PPP1R9A: variants seen among roughly 807,000 people sequenced by gnomAD.
PPP1R9A encodes protein phosphatase 1 regulatory subunit 9A, also known as neurabin-1.
In PPP1R9A, 59 loss-of-function variants were observed where a neutral mutation model predicts 141.9. The ratio of observed to expected loss-of-function variants is 0.42; its 90% CI spans 0.34 to 0.52. The LOEUF is 0.52. Ranked by LOEUF, PPP1R9A falls within the 20% of genes least tolerant of loss-of-function variation. PPP1R9A has a pLI of 0.10. For missense variants in PPP1R9A, 1,444 were observed against 1,611.9 expected (o/e 0.90, Z 1.78); for synonymous variants, 500 against 569.7 (o/e 0.88, Z 1.74).
chr7:95,210,055 G>A (rs116952823), intron 7 of PPP1R9A, among the ~76,000 whole-genome samples: 148 of 152,236 alleles, frequency 9.7e-4, no homozygotes, highest in East Asian at 7.2e-3. Flanking sequence ...TCTGTCGACC[G>A]TTTAGTTCAG....
At chr7:95,002,152 C>T (rs1464007171) in intron 2 of PPP1R9A, among the ~76,000 whole-genome samples, 1 of 152,054 alleles carries the variant, frequency 6.6e-6, no homozygotes, top group Non-Finnish European at 1.5e-5. Flanking sequence ...AACTTACTAA[C>T]CCCCAGTGAT....
intron 2 of PPP1R9A, among the ~76,000 whole-genome samples, chr7:95,101,311 C>A (rs572200069): frequency 1.0e-3 from 154 of 152,196 alleles, no homozygotes; most frequent in Middle Eastern, 3.4e-3. Flanking sequence ...AGATGGTAGC[C>A]TGGTTAACAT....
At position 94,935,839 on chromosome 7, in the gene PPP1R9A, C is replaced by T. The variant is rs1357692775; in HGVS notation, c.1395+24331C>T. On this transcript the variant is annotated intron_variant, in intron 2 of 19. Coordinates refer to ENST00000433360, the MANE Select transcript of PPP1R9A (RefSeq NM_001166160.2). ...CATTTTTGCCATTTCATTCTGGAAA[C>T]CAGAGATTGCGGATTTTAAATTTTC... 2.0e-5 allele frequency among the ~76,000 whole-genome samples: 3 copies of T among 152,222 alleles called. No homozygotes were observed. The East Asian group carries it at 5.8e-4, about 29-fold the overall frequency.
chr7:95,274,146 A>T lies in PPP1R9A; in HGVS notation c.3274A>T (p.Ser1092Cys), dbSNP rs1004671391. Residue 1092 changes from serine (S) to cysteine (C), a missense_variant, in exon 16 of 20, where the codon AGT (serine) becomes TGT (cysteine). Coordinates refer to ENST00000433360, the MANE Select transcript of PPP1R9A (RefSeq NM_001166160.2). ...KKWKEKEKEASRFSAGSRIFR... is the reference protein window; with the variant it reads ...KKWKEKEKEACRFSAGSRIFR... Reference sequence around the variant, plus strand: ...GTGGAAAGAAAAAGAAAAAGAAGCCAGTAGGTTTTCTGCAGGTAGCAGGTA... The same window carrying T: ...GTGGAAAGAAAAAGAAAAAGAAGCCTGTAGGTTTTCTGCAGGTAGCAGGTA... 3 of 1,579,566 alleles carry T rather than the reference A, an allele frequency of 1.9e-6. No individual in the cohort carries two copies. The highest frequency in any genetic ancestry group is 2.7e-5 in the African/African-American group (2 of 74,642).
At chr7:95,073,624 G>GTTTTTTTT (rs36077129) in intron 2 of PPP1R9A, among the ~76,000 whole-genome samples, 5 of 105,552 alleles carry the variant, frequency 4.7e-5, no homozygotes, top group Non-Finnish European at 9.5e-5. Flanking sequence ...AAAGAAATAA[G>GTTTTTTTT]TTTTTTTTTT....
chr7:95,281,457 C>T lies in PPP1R9A; in HGVS notation c.3297-2561C>T, dbSNP rs150132979. ...GCCCAGCTTCTGTGATCTCCTTCAC[C>T]GCACATGTAAGAACCACATGGCCTC... On this transcript the variant is annotated intron_variant, in intron 16 of 19. Transcript: ENST00000433360. 4.0e-3 allele frequency among the ~76,000 whole-genome samples: 602 copies of T among 152,234 alleles called. 4 individuals are homozygous for T. Among genetic ancestry groups the T allele is most frequent in the South Asian group, 0.034 (164 of 4,814 alleles).
At chr7:95,104,453 T>A (rs530905849) in intron 2 of PPP1R9A, among the ~76,000 whole-genome samples, 1 of 152,336 alleles carries the variant, frequency 6.6e-6, no homozygotes, top group East Asian at 1.9e-4. Context: ...TGTTTTTACA[T>A]GAGCAGAATT....
chr7:95,269,326 T>G lies in PPP1R9A; in HGVS notation c.2943T>G (p.Asn981Lys), dbSNP rs1237393313. The G allele has an allele frequency of 1.3e-6, 2 of 1,598,596 alleles. No individual in the cohort carries two copies. The highest frequency in any genetic ancestry group is 8.5e-7 in the Non-Finnish European group (1 of 1,179,484). ...GVPPLTPVDS[N>K]VPFSSDHIAE... ...CACCCCTCACCCCGGTGGATAGCAA[T>G]GTGCCCTTCTCGTCTGACCACATAG... Residue 981 changes from asparagine (N) to lysine (K), a missense_variant, in exon 14 of 20, where the codon AAT (asparagine) becomes AAG (lysine). Physicochemically the swap from Asn to Lys is moderately conservative, Grantham distance 94 (BLOSUM62 0). This residue lies in a region of PPP1R9A where 459 missense variants were observed against 513.8 expected (regional missense o/e 0.89). Coordinates refer to ENST00000433360, the MANE Select transcript of PPP1R9A (RefSeq NM_001166160.2).
At chr7:95,019,169 C>T (rs541598006) in intron 2 of PPP1R9A, among the ~76,000 whole-genome samples, 212 of 152,268 alleles carry the variant, frequency 1.4e-3, no homozygotes, top group Non-Finnish European at 2.5e-3. Context: ...CCAAGGCAGG[C>T]AGATCACTTG....
chr7:95,058,483 G>A (rs866261563), intron 2 of PPP1R9A, among the ~76,000 whole-genome samples: 1 of 152,118 alleles, frequency 6.6e-6, no homozygotes. Flanking sequence ...AGAGGGCTGT[G>A]GAATCCTCAG....
At chr7:95,245,235 T>C (rs1797961650) in intron 8 of PPP1R9A, among the ~76,000 whole-genome samples, 1 of 152,216 alleles carries the variant, frequency 6.6e-6, no homozygotes, top group Non-Finnish European at 1.5e-5. Flanking sequence ...TATTAGTTTA[T>C]ACTGGTGGGG....
chr7:95,062,790 T>TA (rs915356096), intron 2 of PPP1R9A, among the ~76,000 whole-genome samples: 57 of 149,628 alleles, frequency 3.8e-4, no homozygotes, highest in South Asian at 2.1e-3. Context: ...TTCTATGTTT[T>TA]AAAAAAAAAA....
intron 16 of PPP1R9A, among the ~76,000 whole-genome samples, chr7:95,279,063 A>G (rs1188693278): frequency 6.6e-6 from 1 of 152,214 alleles, no homozygotes; most frequent in Non-Finnish European, 1.5e-5. Context: ...TGGGAAGGAT[A>G]CAAAATGACA....
At chr7:95,116,113 G>A (rs1287389470) in intron 3 of PPP1R9A, among the ~76,000 whole-genome samples, 1 of 152,038 alleles carries the variant, frequency 6.6e-6, no homozygotes, top group Non-Finnish European at 1.5e-5. Flanking sequence ...AAGAAAGACT[G>A]TAAATTAACA....
intron 2 of PPP1R9A, among the ~76,000 whole-genome samples, chr7:95,065,521 A>G (rs1000155875): frequency 6.6e-6 from 1 of 152,206 alleles, no homozygotes; most frequent in Non-Finnish European, 1.5e-5. Context: ...GGAATTTTCA[A>G]GATTGTTAGG....
chr7:94,921,352 C>G (rs1014584048), intron 2 of PPP1R9A, among the ~76,000 whole-genome samples: 24 of 150,896 alleles, frequency 1.6e-4, no homozygotes, highest in African/African-American at 5.1e-4. Context: ...GAGGCTGAGG[C>G]AGGAGAATGG....
rs1563532608 is a variant in PPP1R9A at position 95,269,373 on chromosome 7, T to G, written c.2990T>G (p.Leu997Arg). 2 of 1,598,428 alleles carry G rather than the reference T, an allele frequency of 1.3e-6. No individual in the cohort carries two copies. Among genetic ancestry groups the G allele is most frequent in the Non-Finnish European group, 1.7e-6 (2 of 1,179,332 alleles). The change falls in exon 14 of 20, where the codon CTG (leucine) becomes CGG (arginine). Residue 997 changes from leucine (L) to arginine (R), a missense_variant. Physicochemically the swap from Leu to Arg is moderately radical, Grantham distance 102 (BLOSUM62 -2). Transcript: ENST00000433360. ...ATAGCTGAATTTCAAGAAGAACCAC[T>G]GGACCCAGAAATGGGGCCTCTCTCC... is the stretch of plus-strand genomic sequence containing the variant. ...DHIAEFQEEP[L>R]DPEMGPLSSM... is the part of the protein sequence containing the mutation.
At chr7:95,163,166 C>T (rs1202097493) in intron 5 of PPP1R9A, among the ~76,000 whole-genome samples, 1 of 152,204 alleles carries the variant, frequency 6.6e-6, no homozygotes, top group Non-Finnish European at 1.5e-5. Flanking sequence ...ATACATTCAA[C>T]TCATAAGAAC....
Position 95,109,130 on chromosome 7 carries a change from GTA to G in PPP1R9A, c.1396-2127_1396-2126del, listed in dbSNP as rs1820098930. ...GTTTTCCAAAAAACTATAGATATGTGTATGTGTGTGTATATATATTTTGGTCT... is the reference window on the plus strand; with the variant it reads ...GTTTTCCAAAAAACTATAGATATGTGTGTGTGTGTATATATATTTTGGTCT... On this transcript the variant is annotated intron_variant, in intron 2 of 19. Transcript: ENST00000433360. 2.0e-5 allele frequency among the ~76,000 whole-genome samples: 3 copies of G among 152,264 alleles called. No individual in the cohort carries two copies. In the South Asian group the frequency reaches 6.2e-4, roughly 32 times the overall value.
Sources: allele counts gnomAD v4.1 joint callset (sites outside exome capture counted in the v4.1 genomes callset), GRCh38; gene constraint gnomAD v4.1.1; regional missense constraint gnomAD v4.1.1; transcripts MANE v1.5; gene names NCBI Gene and HGNC (gene_info 2026-07-23, HGNC 2026-07-21).